Variants in HERC3 observed in about 807,000 individuals in gnomAD.
The protein encoded by HERC3 is probable E3 ubiquitin-protein ligase HERC3.
In HERC3, 58 loss-of-function variants were observed where a neutral mutation model predicts 129.9. The ratio of observed to expected loss-of-function variants is 0.45; its 90% confidence interval spans 0.36 to 0.56. The LOEUF is 0.56. Ranked by LOEUF, HERC3 falls within the 20% of genes least tolerant of loss-of-function variation. The pLI is 0.00. For missense variants in HERC3, 835 were observed against 1,244.2 expected, an observed-to-expected ratio of 0.67 and a Z score of 4.95; for synonymous variants, 430 against 451.0, an observed-to-expected ratio of 0.95 and a Z score of 0.59.
chr4:88,704,863 CTTT>C (rs1165694315), intron 25 of HERC3, among the ~76,000 whole-genome samples: 9 of 130,634 alleles, frequency 6.9e-5, no homozygotes, highest in African/African-American at 1.2e-4. Flanking sequence ...TTCTTTCTTT[CTTT>C]TTTTTTTTTT....
intron 24 of HERC3, 58 bp downstream of exon 24, chr4:88,704,339 G>T (rs1171484263): frequency 4.5e-6 from 7 of 1,549,822 alleles, no homozygotes; most frequent in Non-Finnish European, 6.2e-6. Context: ...GCAGCCTGGG[G>T]AGGTGTTCCC....
intron 2 of HERC3, among the ~76,000 whole-genome samples, chr4:88,605,493 C>T (rs890395698): frequency 1.3e-5 from 2 of 152,176 alleles, no homozygotes; most frequent in Non-Finnish European, 2.9e-5. Context: ...ATTGTTTCAG[C>T]CCATCTCCTG....
At chr4:88,649,422 G>T (rs773890243) in intron 3 of HERC3, among the ~76,000 whole-genome samples, 7 of 152,128 alleles carry the variant, frequency 4.6e-5, no homozygotes, top group Non-Finnish European at 8.8e-5. Flanking sequence ...GTATGTGGGG[G>T]GAGAGGGTCT....
chr4:88,599,107 C>T (rs376929157), intron 2 of HERC3, among the ~76,000 whole-genome samples: 42 of 152,274 alleles, frequency 2.8e-4, no homozygotes, highest in Non-Finnish European at 5.3e-4. Flanking sequence ...CCCAGCGATG[C>T]AGACCGTTGC....
rs75275874 is a variant in HERC3, at chr4:88,662,099, A to G, written c.1147-332A>G. On this transcript the variant is annotated intron_variant, in intron 10 of 25. Transcript: ENST00000402738. ...GGTTGAAATGCAATTCAGTTATAAC[A>G]GAGGCCTCAGCCAGTCCCATGAGGA... is the stretch of plus-strand genomic sequence containing the variant. Among the ~76,000 whole-genome samples the G allele has an allele frequency of 3.9e-3, 590 of 152,310 alleles. 8 individuals are homozygous for G. Among genetic ancestry groups the G allele is most frequent in the African/African-American group, 0.014 (564 of 41,566 alleles).
At chr4:88,659,653 T>C (rs1730287593) in intron 10 of HERC3, among the ~76,000 whole-genome samples, 1 of 152,218 alleles carries the variant, frequency 6.6e-6, no homozygotes, top group Admixed American at 6.5e-5. Flanking sequence ...CTTTGTTTCT[T>C]CAAGATGTCA....
At chr4:88,612,803 T>C (rs1399004364) in intron 3 of HERC3, among the ~76,000 whole-genome samples, 1 of 152,210 alleles carries the variant, frequency 6.6e-6, no homozygotes, top group Non-Finnish European at 1.5e-5. Context: ...TCCCCACTTT[T>C]TTTTTAATAA....
intron 3 of HERC3, among the ~76,000 whole-genome samples, chr4:88,617,535 G>T (rs1725043932): frequency 6.6e-6 from 1 of 152,200 alleles, no homozygotes; most frequent in Admixed American, 6.5e-5. Context: ...GAAACAGCAA[G>T]TTCTACATTC....
chr4:88,631,877 C>T (rs1024672789), intron 3 of HERC3, among the ~76,000 whole-genome samples: 3 of 152,288 alleles, frequency 2.0e-5, no homozygotes, highest in South Asian at 2.1e-4. Flanking sequence ...TTCCTGTCTT[C>T]GACTGTATGC....
chr4:88,682,497 A>G (rs1441971546), intron 21 of HERC3, among the ~76,000 whole-genome samples: 5 of 75,682 alleles, frequency 6.6e-5, no homozygotes, highest in Non-Finnish European at 7.4e-5. Context: ...AACAGGCCCC[A>G]GTGTGTGATG....
chr4:88,549,061 T>C, the HERC3 span, among the ~76,000 whole-genome samples: 1 of 152,190 alleles, frequency 6.6e-6, no homozygotes, highest in African/African-American at 2.4e-5. Context: ...AACTATTGCC[T>C]AATCCAAGTT....
chr4:88,637,284 G>A (rs1362920610), intron 3 of HERC3, among the ~76,000 whole-genome samples: 1 of 151,960 alleles, frequency 6.6e-6, no homozygotes, highest in African/African-American at 2.4e-5. Flanking sequence ...AAATTAGCCG[G>A]GCATGATGGC....
chr4:88,605,979 T>C lies in HERC3; in HGVS notation c.156T>C (p.Asp52=), dbSNP rs1723575741. The C allele has an allele frequency of 6.2e-7, 1 of 1,614,070 alleles. No individual in the cohort carries two copies. Among genetic ancestry groups the C allele is most frequent in the Non-Finnish European group, 8.5e-7 (1 of 1,180,012 alleles). ...ACCACTCTGTGTTCCTGCTGGAAGA[T>C]GGGGAAGTTTACACATGTGGTTTGA... ...GGNHSVFLLE[D]GEVYTCGLNT... The change falls in exon 3 of 26, where the codon GAT becomes GAC. Residue 52 remains aspartate (D), a synonymous_variant. Coordinates refer to ENST00000402738, the MANE Select transcript of HERC3 (RefSeq NM_014606.3).
chr4:88,607,890 A>G (rs550612817), intron 3 of HERC3, among the ~76,000 whole-genome samples: 6 of 152,320 alleles, frequency 3.9e-5, no homozygotes, highest in South Asian at 2.1e-4. Context: ...ATTTTAAGGT[A>G]GGGTCTTAAA....
rs764792053 is a variant in HERC3, at chr4:88,651,997, C to A, written c.387-15C>A. ...GTGAATATCTATCTGAAAAAGAAAG[C>A]CTTTTCTGTTTTAGGTTAATACAAA... On this transcript the variant is annotated splice_polypyrimidine_tract_variant and intron_variant, in intron 4 of 25. Coordinates refer to ENST00000402738, the MANE Select transcript of HERC3 (RefSeq NM_014606.3). The A allele has an allele frequency of 1.9e-6, 3 of 1,568,196 alleles. No individual in the cohort carries two copies. The highest frequency in any genetic ancestry group is 1.8e-6 in the Non-Finnish European group (2 of 1,140,622).
At chr4:88,600,923 A>T (rs952081648) in intron 2 of HERC3, among the ~76,000 whole-genome samples, 1 of 152,244 alleles carries the variant, frequency 6.6e-6, no homozygotes. Flanking sequence ...GAAAAAATCC[A>T]TTAATGTGGA....
rs1734258800 is a variant in HERC3, at chr4:88,693,265, T to C, written c.2657+5966T>C. 7.2e-6 allele frequency: 7 copies of C among 978,214 alleles called. No individual in the cohort carries two copies. The South Asian group carries it at 2.8e-4, about 40-fold the overall frequency. The allele number at this position is 978,214 out of a possible 1,614,324, so 60.6% of individuals were successfully genotyped here. On this transcript the variant is annotated intron_variant, in intron 23 of 25. Transcript: ENST00000402738. ...TTTGTGTATAAAGGATTTTGTGCCT[T>C]TAAATTTGCTTTTTAATGATAAGGT...
At chr4:88,577,964 G>C in the HERC3 span, among the ~76,000 whole-genome samples, 1 of 152,160 alleles carries the variant, frequency 6.6e-6, no homozygotes, top group Non-Finnish European at 1.5e-5. Flanking sequence ...GTGACAGGCA[G>C]ATTCTGTAAC....
At chr4:88,526,604 G>A in the HERC3 span, among the ~76,000 whole-genome samples, 7 of 151,986 alleles carry the variant, frequency 4.6e-5, no homozygotes, top group Non-Finnish European at 8.8e-5. Context: ...TGGTGCAGTC[G>A]TGACTCACTG....
Sources: allele counts gnomAD v4.1 joint callset (sites outside exome capture counted in the v4.1 genomes callset), GRCh38; gene constraint gnomAD v4.1.1; transcripts MANE v1.5; gene names NCBI Gene and HGNC (gene_info 2026-07-23, HGNC 2026-07-21).